The following LAMA2 variants were observed in gnomAD, a reference collection of about 807,000 sequenced individuals.
LAMA2 encodes laminin subunit alpha-2.
LAMA2 carries 269 observed loss-of-function variants against 364.8 expected under a neutral mutation model. The observed-to-expected ratio is 0.74, with a 90% CI of 0.67 to 0.82. LAMA2 has a LOEUF of 0.82. Ranked by LOEUF, LAMA2 falls within the 40% of genes least tolerant of loss-of-function variation. The pLI, the probability that LAMA2 is intolerant of heterozygous loss-of-function variation, is 0.00. For missense variants in LAMA2, 3,807 were observed against 3,873.2 expected (o/e 0.98, Z 0.45); for synonymous variants, 1,379 against 1,370.6 (o/e 1.01, Z -0.14).
intron 1 of LAMA2, among the ~76,000 whole-genome samples, chr6:129,048,495 TC>T (rs1185660497): frequency 0.011 from 476 of 44,202 alleles, 1 homozygote; most frequent in Admixed American, 0.015. Flanking sequence ...TTTCTTTCTT[TC>T]CTTCCTTCCT....
intron 1 of LAMA2, among the ~76,000 whole-genome samples, chr6:128,933,730 A>G (rs1582712922): frequency 6.6e-6 from 1 of 152,024 alleles, no homozygotes; most frequent in African/African-American, 2.4e-5. Context: ...CTTTTTGGAA[A>G]CATGTCTATT....
At chr6:129,388,480 C>G (rs536804659) in intron 35 of LAMA2, among the ~76,000 whole-genome samples, 3 of 152,074 alleles carry the variant, frequency 2.0e-5, no homozygotes, top group Non-Finnish European at 2.9e-5. Context: ...GCCATATTTG[C>G]CTTTTCCCTT....
intron 7 of LAMA2, among the ~76,000 whole-genome samples, chr6:129,154,177 G>A (rs1209387424): frequency 6.6e-6 from 1 of 152,136 alleles, no homozygotes; most frequent in Non-Finnish European, 1.5e-5. Flanking sequence ...ACTTTGAGAG[G>A]CTGAGGCGGG....
intron 60 of LAMA2, 57 bp from the exon 61 acceptor site, chr6:129,505,143 T>C: frequency 6.9e-7 from 1 of 1,459,106 alleles, no homozygotes; most frequent in African/African-American, 1.4e-5. Context: ...TGTCTTATAC[T>C]CTGCATATGT....
At chr6:129,393,877 C>A (rs746668212) in intron 37 of LAMA2, among the ~76,000 whole-genome samples, 9 of 152,132 alleles carry the variant, frequency 5.9e-5, no homozygotes, top group Non-Finnish European at 1.2e-4. Flanking sequence ...GTGTTCTATG[C>A]AAATGATCTT....
rs9492270 is a variant in LAMA2, at chr6:129,195,528, T to A, written c.1782+2675T>A. Among the ~76,000 whole-genome samples the A allele has an allele frequency of 3.0e-3, 453 of 152,338 alleles. 1 individual carries two copies. Among genetic ancestry groups the A allele is most frequent in the African/African-American group, 8.6e-3 (357 of 41,582 alleles). ...TTAGCACGTTTTTATACTTTCTATT[T>A]TTGAAATTCCCACAGTCTCAGCTAG... On this transcript the variant is annotated intron_variant, in intron 12 of 64. Transcript: ENST00000421865.
At chr6:129,308,610 G>A (rs1288972464) in intron 22 of LAMA2, among the ~76,000 whole-genome samples, 1 of 151,784 alleles carries the variant, frequency 6.6e-6, no homozygotes, top group Non-Finnish European at 1.5e-5. Context: ...TCTGAATCGA[G>A]AAATACTTCA....
intron 12 of LAMA2, among the ~76,000 whole-genome samples, chr6:129,220,777 C>A (rs1164096956): frequency 1.3e-5 from 2 of 152,100 alleles, no homozygotes; most frequent in East Asian, 3.9e-4. Context: ...GTATGCTCAG[C>A]CACTGATGTA....
intron 41 of LAMA2, among the ~76,000 whole-genome samples, chr6:129,429,661 G>C (rs958896619): frequency 2.6e-5 from 4 of 152,154 alleles, no homozygotes; most frequent in Admixed American, 2.6e-4. Context: ...CAAAACCTGT[G>C]TTCCTATTGG....
intron 1 of LAMA2, among the ~76,000 whole-genome samples, chr6:128,980,087 A>G (rs146689275): frequency 5.4e-4 from 82 of 152,316 alleles, no homozygotes; most frequent in African/African-American, 1.9e-3. Context: ...AGGGGGCTCC[A>G]GGAATCATAA....
chr6:129,263,630 T>G, intron 15 of LAMA2, among the ~76,000 whole-genome samples: 1 of 149,280 alleles, frequency 6.7e-6, no homozygotes. Context: ...TGAGGAGATT[T>G]GCACATATGA....
intron 55 of LAMA2, 94 bp from the exon 56 acceptor site, chr6:129,486,380 G>A: frequency 1.7e-6 from 2 of 1,211,814 alleles, no homozygotes; most frequent in Non-Finnish European, 2.4e-6. Flanking sequence ...TAAGATCTCA[G>A]AGCAGACGAA....
chr6:129,307,649 C>A (rs1043635454), intron 22 of LAMA2, among the ~76,000 whole-genome samples: 3 of 152,106 alleles, frequency 2.0e-5, no homozygotes, highest in African/African-American at 7.2e-5. Context: ...ACAATTGTTT[C>A]TTGGTTTGTA....
At chr6:129,223,876 G>T (rs989630931) in intron 12 of LAMA2, among the ~76,000 whole-genome samples, 2 of 152,060 alleles carry the variant, frequency 1.3e-5, no homozygotes, top group Admixed American at 6.6e-5. Context: ...TTCCAATTCT[G>T]TGAAGAAAGT....
chr6:129,290,474 T>C (rs1215894014), intron 19 of LAMA2, among the ~76,000 whole-genome samples: 3 of 152,170 alleles, frequency 2.0e-5, no homozygotes, highest in Non-Finnish European at 2.9e-5. Context: ...AGCAGTTCTT[T>C]TGTTTGTTTA....
chr6:128,950,778 A>G (rs1296860722), intron 1 of LAMA2, among the ~76,000 whole-genome samples: 7 of 152,134 alleles, frequency 4.6e-5, no homozygotes, highest in Non-Finnish European at 5.9e-5. Context: ...ATTTATTAAC[A>G]CACATATATA....
At position 129,440,864 on chromosome 6, in the gene LAMA2, A is replaced by G. The variant is rs753070891; in HGVS notation, c.6134A>G (p.Asn2045Ser). ...QAVKDKARQANDTAKDVLAQI... is the reference protein window; with the variant it reads ...QAVKDKARQASDTAKDVLAQI... ...GTTAAGGACAAAGCCAGACAAGCCA[A>G]CGACACAGCTAAAGATGTACTGGCA... is the stretch of plus-strand genomic sequence containing the variant. The change falls in exon 43 of 65, where the codon AAC becomes AGC. Residue 2045 changes from asparagine (N) to serine (S), a missense_variant. Coordinates refer to ENST00000421865, the MANE Select transcript of LAMA2 (RefSeq NM_000426.4). 1.9e-6 allele frequency: 3 copies of G among 1,614,038 alleles called. No individual in the cohort carries two copies. Among genetic ancestry groups the G allele is most frequent in the Admixed American group, 3.3e-5 (2 of 59,992 alleles).
chr6:129,156,392 T>G (rs1238967687), intron 8 of LAMA2, among the ~76,000 whole-genome samples: 1 of 152,040 alleles, frequency 6.6e-6, no homozygotes, highest in Non-Finnish European at 1.5e-5. Flanking sequence ...GCATGTCTTT[T>G]GTTAAATTAA....
Position 129,502,670 on chromosome 6 carries a change from T to A in LAMA2, c.8256T>A (p.Ala2752=). 1 of 1,613,292 alleles carries A rather than the reference T, an allele frequency of 6.2e-7. No homozygotes were observed. The highest frequency in any genetic ancestry group is 8.5e-7 in the Non-Finnish European group (1 of 1,179,208). ...TGGGTATTTTACAGGGTCCTTGTGC[T>A]GCAGAATCAGAACCAGCTCTTTTGA... is the stretch of plus-strand genomic sequence containing the variant. ...PTPVLTHGPC[A]AESEPALLIG... is the part of the protein sequence containing the mutation. The change falls in exon 59 of 65, where the codon GCT becomes GCA. Residue 2752 remains alanine, a synonymous_variant. Coordinates refer to ENST00000421865, the MANE Select transcript of LAMA2 (RefSeq NM_000426.4).
Sources: allele counts gnomAD v4.1 joint callset (sites outside exome capture counted in the v4.1 genomes callset), GRCh38; gene constraint gnomAD v4.1.1; transcripts MANE v1.5; gene names NCBI Gene and HGNC (gene_info 2026-07-23, HGNC 2026-07-21).